Variants in NRXN3 observed in about 807,000 individuals in gnomAD.
NRXN3 encodes the protein neurexin 3.
NRXN3 carries 32 observed loss-of-function variants against 137.6 expected under a neutral mutation model. The observed-to-expected ratio is 0.23, with a 90% CI of 0.18 to 0.31. The LOEUF (loss-of-function observed/expected upper bound fraction) is 0.31. Among genes scored for constraint, NRXN3 ranks in the 10% least tolerant of loss-of-function variants. The pLI is 1.00. For missense variants in NRXN3, 1,574 were observed against 2,062.5 expected, an observed-to-expected ratio of 0.76 and a Z score of 4.59; for synonymous variants, 798 against 784.5, an observed-to-expected ratio of 1.02 and a Z score of -0.29.
intron 11 of NRXN3, among the ~76,000 whole-genome samples, chr14:78,958,916 G>A (rs2099402612): frequency 6.6e-6 from 1 of 152,130 alleles, no homozygotes; most frequent in Non-Finnish European, 1.5e-5. Context: ...CAGTAGCCCT[G>A]GGGGTCTAAT....
rs544100341 is a variant in NRXN3, at chr14:79,707,367, C to T, written c.4014+9430C>T. 2.2e-4 allele frequency among the ~76,000 whole-genome samples: 34 copies of T among 152,234 alleles called. No individual in the cohort carries two copies. In the East Asian group the frequency reaches 4.1e-3, roughly 18 times the overall value. On this transcript the variant is annotated intron_variant, in intron 19 of 20. Coordinates refer to ENST00000335750, the MANE Select transcript of NRXN3 (RefSeq NM_001330195.2). The stretch of plus-strand genomic sequence containing the variant: ...GGAGTTAGGAGGAAGCAGCCTGGTA[C>T]GGAGGAAAGTGCATTGAAGCAGGCA...
intron 4 of NRXN3, among the ~76,000 whole-genome samples, chr14:78,529,452 GTCTTT>G (rs1468443646): frequency 4.6e-5 from 7 of 152,164 alleles, no homozygotes; most frequent in African/African-American, 1.7e-4. Flanking sequence ...GAGAAGCAAT[GTCTTT>G]TCTTTCTTTC....
At position 79,703,585 on chromosome 14, in the gene NRXN3, A is replaced by AACTT. The variant is rs1302115537; in HGVS notation, c.4014+5651_4014+5654dup. ...CCGTATGCCTGGAGAGGCCTCAGGA[A>AACTT]ACTTACAATCATGATGGCCGGAGAG... On this transcript the variant is annotated intron_variant, in intron 19 of 20. Coordinates refer to ENST00000335750, the MANE Select transcript of NRXN3 (RefSeq NM_001330195.2). 7.2e-5 allele frequency among the ~76,000 whole-genome samples: 11 copies of AACTT among 152,238 alleles called. No homozygotes were observed. The East Asian group carries it at 1.9e-3, about 27-fold the overall frequency.
At chr14:78,999,932 A>G (rs2099538043) in intron 15 of NRXN3, among the ~76,000 whole-genome samples, 1 of 152,180 alleles carries the variant, frequency 6.6e-6, no homozygotes, top group South Asian at 2.1e-4. Context: ...CAATCATCAA[A>G]TCCCACAGTT....
Position 78,544,436 on chromosome 14 carries a change from C to T in NRXN3, c.758-100684C>T, listed in dbSNP as rs2096619751. Among the ~76,000 whole-genome samples, 3 of 152,170 alleles carry T rather than the reference C, an allele frequency of 2.0e-5. No individual in the cohort carries two copies. In the South Asian group the frequency reaches 6.2e-4, roughly 32 times the overall value. On this transcript the variant is annotated intron_variant, in intron 4 of 20. Transcript: ENST00000335750. ...GGACATCAAAGTGAACAAACCCCTG[C>T]CTGAGTACTTATTTCCATGGATCAA... is the stretch of plus-strand genomic sequence containing the variant.
chr14:78,607,675 T>C (rs893483168), intron 4 of NRXN3, among the ~76,000 whole-genome samples: 2 of 152,208 alleles, frequency 1.3e-5, no homozygotes, highest in African/African-American at 2.4e-5. Context: ...AAATTTATTA[T>C]TTGAGTGAAA....
At chr14:78,384,301 A>G (rs745919668) in intron 4 of NRXN3, among the ~76,000 whole-genome samples, 1 of 152,080 alleles carries the variant, frequency 6.6e-6, no homozygotes, top group Admixed American at 6.5e-5. Context: ...AGCTTGGGAA[A>G]GGAAGATTCT....
At chr14:79,011,230 T>C (rs2099570338) in intron 15 of NRXN3, among the ~76,000 whole-genome samples, 1 of 152,126 alleles carries the variant, frequency 6.6e-6, no homozygotes, top group Admixed American at 6.5e-5. Context: ...CACTAGACAC[T>C]GAGAGACTGG....
chr14:79,580,888 A>T (rs1276506311), intron 16 of NRXN3, among the ~76,000 whole-genome samples: 1 of 152,186 alleles, frequency 6.6e-6, no homozygotes, highest in Non-Finnish European at 1.5e-5. Flanking sequence ...ATAAGAAAAA[A>T]AAATGTGGGC....
At chr14:78,559,668 C>T (rs2096769665) in intron 4 of NRXN3, among the ~76,000 whole-genome samples, 1 of 152,230 alleles carries the variant, frequency 6.6e-6, no homozygotes, top group South Asian at 2.1e-4. Flanking sequence ...TTGGCATTAT[C>T]ACCTTTGTAC....
intron 10 of NRXN3, among the ~76,000 whole-genome samples, chr14:78,856,780 C>T (rs2099058395): frequency 6.6e-6 from 1 of 152,132 alleles, no homozygotes; most frequent in Admixed American, 6.6e-5. Flanking sequence ...GTTGCCCAGG[C>T]CGGAGTGCAA....
intron 15 of NRXN3, among the ~76,000 whole-genome samples, chr14:79,171,164 C>CCGTGTTT (rs1350536300): frequency 6.6e-6 from 1 of 152,008 alleles, no homozygotes; most frequent in East Asian, 1.9e-4. Flanking sequence ...GAAGCAGGAT[C>CCGTGTTT]CGTGTTTTAA....
chr14:78,484,137 A>G (rs960661545), intron 4 of NRXN3, among the ~76,000 whole-genome samples: 5 of 152,186 alleles, frequency 3.3e-5, no homozygotes, highest in African/African-American at 1.2e-4. Flanking sequence ...CCAGGAATGC[A>G]GAATGTTAAT....
chr14:79,607,052 G>C (rs897042152), intron 16 of NRXN3, among the ~76,000 whole-genome samples: 1 of 152,158 alleles, frequency 6.6e-6, no homozygotes, highest in Non-Finnish European at 1.5e-5. Context: ...GTGTATGTGT[G>C]CATGCTTATT....
intron 19 of NRXN3, among the ~76,000 whole-genome samples, chr14:79,704,948 GT>G (rs772877603): frequency 2.0e-5 from 3 of 152,148 alleles, no homozygotes; most frequent in Non-Finnish European, 4.4e-5. Flanking sequence ...GTGCAGTGTA[GT>G]TTGTTTTCAT....
intron 16 of NRXN3, among the ~76,000 whole-genome samples, chr14:79,548,427 C>T (rs2097342034): frequency 1.3e-5 from 2 of 152,134 alleles, no homozygotes; most frequent in Non-Finnish European, 1.5e-5. Flanking sequence ...TTTTCTTTAT[C>T]CAGTCTATCA....
intron 4 of NRXN3, among the ~76,000 whole-genome samples, chr14:78,564,792 A>G (rs761766806): frequency 6.6e-6 from 1 of 152,150 alleles, no homozygotes; most frequent in Non-Finnish European, 1.5e-5. Flanking sequence ...CTACCACAGT[A>G]CTTGACATAT....
intron 2 of NRXN3, among the ~76,000 whole-genome samples, chr14:78,267,112 C>G (rs929238811): frequency 7.2e-5 from 11 of 152,170 alleles, no homozygotes; most frequent in African/African-American, 2.7e-4. Flanking sequence ...ACACAGTATT[C>G]CAGGTTGTCA....
intron 15 of NRXN3, among the ~76,000 whole-genome samples, chr14:78,996,655 C>G (rs2099530767): frequency 6.6e-6 from 1 of 152,002 alleles, no homozygotes; most frequent in Non-Finnish European, 1.5e-5. Context: ...TCAGAATTTC[C>G]ATCAAATAAG....
Sources: allele counts gnomAD v4.1 joint callset (sites outside exome capture counted in the v4.1 genomes callset), GRCh38; gene constraint gnomAD v4.1.1; transcripts MANE v1.5; gene names NCBI Gene and HGNC (gene_info 2026-07-23, HGNC 2026-07-21).